The following STARD13 variants were observed in gnomAD, a reference collection of about 807,000 sequenced individuals.
STARD13 encodes StAR related lipid transfer domain containing 13, also known as stAR-related lipid transfer protein 13.
Under a neutral mutation model 106.4 loss-of-function variants are expected in STARD13, and 62 were observed. The observed-to-expected ratio is 0.58, with a 90% CI of 0.48 to 0.72. The LOEUF (loss-of-function observed/expected upper bound fraction) is 0.72, where lower values mean the gene tolerates loss of function less well. STARD13 is among the 30% of genes least tolerant of loss of function. The pLI is 0.00. For synonymous variants in STARD13, 565 were observed against 553.0 expected (o/e 1.02, Z -0.31); for missense variants, 1,387 against 1,424.0 (o/e 0.97, Z 0.42).
chr13:33,354,290 C>CT (rs1461441890), upstream of STARD13, among the ~76,000 whole-genome samples: 1 of 152,210 alleles, frequency 6.6e-6, no homozygotes, highest in Admixed American at 6.5e-5. Context: ...TATACATTAG[C>CT]TGTTCTTGAA....
At chr13:33,455,506 C>T in the STARD13 span, among the ~76,000 whole-genome samples, 1 of 152,108 alleles carries the variant, frequency 6.6e-6, no homozygotes, top group South Asian at 2.1e-4. Context: ...TGTGATTTAC[C>T]GGGCTTTAGT....
chr13:33,327,489 C>A (rs544914420), intron 1 of STARD13, among the ~76,000 whole-genome samples: 3 of 152,334 alleles, frequency 2.0e-5, no homozygotes, highest in African/African-American at 7.2e-5. Context: ...TCTGCCTCAG[C>A]TTCCCAAGTA....
At chr13:33,550,325 A>C in the STARD13 span, among the ~76,000 whole-genome samples, 1 of 152,234 alleles carries the variant, frequency 6.6e-6, no homozygotes, top group Admixed American at 6.5e-5. Flanking sequence ...CAAGGATATA[A>C]GCTTTTGTCT....
chr13:33,671,793 A>T, the STARD13 span, among the ~76,000 whole-genome samples: 1 of 152,178 alleles, frequency 6.6e-6, no homozygotes, highest in Admixed American at 6.5e-5. Context: ...TTAATAATGA[A>T]TGAAAAGCCT....
At chr13:33,438,751 A>G in the STARD13 span, among the ~76,000 whole-genome samples, 3 of 152,190 alleles carry the variant, frequency 2.0e-5, no homozygotes, top group Non-Finnish European at 4.4e-5. Context: ...TGCTCATCCT[A>G]AGCATAAGTG....
At chr13:33,253,683 G>A (rs1400772413) in intron 1 of STARD13, among the ~76,000 whole-genome samples, 1 of 152,086 alleles carries the variant, frequency 6.6e-6, no homozygotes, top group Non-Finnish European at 1.5e-5. Flanking sequence ...GCTTCATGTG[G>A]CCCCCGAGAC....
At chr13:33,139,648 T>A (rs1406806850) in intron 4 of STARD13, among the ~76,000 whole-genome samples, 1 of 152,232 alleles carries the variant, frequency 6.6e-6, no homozygotes, top group African/African-American at 2.4e-5. Context: ...TTCTTCCAAA[T>A]AAATAAATAC....
the STARD13 span, among the ~76,000 whole-genome samples, chr13:33,612,695 C>G: frequency 6.6e-6 from 1 of 152,204 alleles, no homozygotes; most frequent in Non-Finnish European, 1.5e-5. Context: ...CACTCAAGCT[C>G]TCTCTCAAAG....
At chr13:33,329,749 G>C (rs868288370) in intron 1 of STARD13, among the ~76,000 whole-genome samples, 15 of 149,508 alleles carry the variant, frequency 1.0e-4, no homozygotes, top group Admixed American at 2.7e-4. Flanking sequence ...TGTCACGCAG[G>C]CTGTAGAGCA....
At chr13:33,464,042 T>C in the STARD13 span, among the ~76,000 whole-genome samples, 2 of 133,024 alleles carry the variant, frequency 1.5e-5, no homozygotes, top group East Asian at 4.2e-4. Flanking sequence ...TATATATATA[T>C]GTATATGTAT....
chr13:33,266,887 C>T (rs1237033637), intron 1 of STARD13, among the ~76,000 whole-genome samples: 1 of 152,218 alleles, frequency 6.6e-6, no homozygotes, highest in African/African-American at 2.4e-5. Flanking sequence ...AAAGATCTTG[C>T]ACACAATCGG....
intron 1 of STARD13, among the ~76,000 whole-genome samples, chr13:33,225,465 A>T (rs1032570078): frequency 1.3e-5 from 2 of 152,242 alleles, no homozygotes; most frequent in Non-Finnish European, 2.9e-5. Flanking sequence ...TGTTAGGATT[A>T]CGTGTAAAGT....
intron 1 of STARD13, among the ~76,000 whole-genome samples, chr13:33,210,072 G>A (rs756479591): frequency 6.6e-5 from 10 of 152,188 alleles, no homozygotes; most frequent in South Asian, 2.1e-4. Context: ...GACAACAGCC[G>A]CAGTGTTCTT....
chr13:33,167,703 G>A, intron 1 of STARD13, 81 bp from the exon 2 acceptor site: 3 of 1,396,300 alleles, frequency 2.1e-6, no homozygotes, highest in Non-Finnish European at 3.0e-6. Flanking sequence ...GGAGACACTG[G>A]TGAGCTTTGT....
At chr13:33,175,610 C>G (rs1884435550) in intron 1 of STARD13, among the ~76,000 whole-genome samples, 1 of 152,116 alleles carries the variant, frequency 6.6e-6, no homozygotes, top group Admixed American at 6.5e-5. Flanking sequence ...CCAACTTCCA[C>G]AAAATTGGCC....
chr13:33,173,081 G>C (rs1484451212), intron 1 of STARD13, among the ~76,000 whole-genome samples: 1 of 152,142 alleles, frequency 6.6e-6, no homozygotes, highest in African/African-American at 2.4e-5. Flanking sequence ...AAAGACTACG[G>C]GTACCAGCAT....
chr13:33,147,383 A>C (rs1443115125), intron 3 of STARD13, among the ~76,000 whole-genome samples: 1 of 152,208 alleles, frequency 6.6e-6, no homozygotes, highest in Non-Finnish European at 1.5e-5. Flanking sequence ...AGGCTAAGGC[A>C]GAGTTATCAA....
In STARD13 at chr13:33,171,681, G is replaced by C. The variant is rs139839886; in HGVS notation, c.170-4059C>G. ...CTAAGGAGACCAATAGTCATTTGGG[G>C]GCTGAAATCAACTGGTTGAAAAGGG... On this transcript the variant is annotated intron_variant, in intron 1 of 13. Transcript: ENST00000336934. Among the ~76,000 whole-genome samples, 732 of 152,292 alleles carry C rather than the reference G, an allele frequency of 4.8e-3. 10 individuals are homozygous for C. The highest frequency in any genetic ancestry group is 0.017 in the African/African-American group (686 of 41,544).
chr13:33,339,708 C>A (rs1263109223), intron 1 of STARD13, among the ~76,000 whole-genome samples: 2 of 152,126 alleles, frequency 1.3e-5, no homozygotes, highest in Admixed American at 6.5e-5. Context: ...TTGAAATATG[C>A]AAAAGCTTTT....
Sources: gnomAD v4.1 joint callset for allele counts (sites outside exome capture counted in the v4.1 genomes callset) on GRCh38, gnomAD v4.1.1 for gene constraint, MANE v1.5 for transcripts, NCBI Gene and HGNC (gene_info 2026-07-23, HGNC 2026-07-21) for gene names.